BCL11B: variants seen among roughly 807,000 people sequenced by gnomAD.
The protein encoded by BCL11B is BCL11 transcription factor B.
In BCL11B, 8 loss-of-function variants were observed where a neutral mutation model predicts 49.9. The observed-to-expected ratio is 0.16, with a 90% confidence interval of 0.09 to 0.29. BCL11B has a LOEUF of 0.29. Among genes scored for constraint, BCL11B ranks in the 10% least tolerant of loss-of-function variants. BCL11B has a pLI of 1.00. For synonymous variants in BCL11B, 739 were observed against 637.4 expected (o/e 1.16, Z -2.40); for missense variants, 1,006 against 1,351.0 (o/e 0.74, Z 4.00).
intron 3 of BCL11B, among the ~76,000 whole-genome samples, chr14:99,217,518 A>G (rs564465416): frequency 2.8e-4 from 43 of 152,154 alleles, no homozygotes; most frequent in Admixed American, 5.9e-4. Flanking sequence ...GCTCCAAATG[A>G]AAAAGCCGTG....
chr14:99,202,670 C>T (rs748789303), intron 3 of BCL11B, among the ~76,000 whole-genome samples: 1 of 152,156 alleles, frequency 6.6e-6, no homozygotes, highest in Non-Finnish European at 1.5e-5. Flanking sequence ...CACCTGTCGT[C>T]GGCCACTAGA....
intron 3 of BCL11B, among the ~76,000 whole-genome samples, chr14:99,187,895 C>T (rs147278444): frequency 5.9e-5 from 9 of 152,244 alleles, no homozygotes; most frequent in Non-Finnish European, 1.3e-4. Context: ...CGACATTCCA[C>T]CCCAAGAAGT....
In BCL11B at chr14:99,174,485, G is replaced by A. The variant is rs1886399144; in HGVS notation, c.2351C>T (p.Pro784Leu). ...GCCCTCCTTGGAGCTGGGCCGCCCG[G>A]GGCCCGGGCCGCCCAGGTGCGGGGT... The part of the protein sequence containing the change: ...GSTPHLGGPG[P>L]GRPSSKEGRR... The change falls in exon 4 of 4, where the codon CCC (proline) becomes CTC (leucine). Residue 784 changes from proline (P) to leucine (L), a missense_variant. By Grantham distance (98) the Pro-to-Leu change is moderately conservative. Coordinates refer to ENST00000357195, the MANE Select transcript of BCL11B (RefSeq NM_138576.4). 1 of 1,562,720 alleles carries A rather than the reference G, an allele frequency of 6.4e-7. No homozygotes were observed. Among genetic ancestry groups the A allele is most frequent in the Non-Finnish European group, 8.6e-7 (1 of 1,157,224 alleles).
Position 99,171,037 on chromosome 14 carries a change from G to A in BCL11B, c.*3114C>T, listed in dbSNP as rs533110616. On this transcript the variant is annotated 3_prime_UTR_variant, in exon 4 of 4. Coordinates refer to ENST00000357195, the MANE Select transcript of BCL11B (RefSeq NM_138576.4). ...CCTCTACATCTGACATCTTAGAGAT[G>A]GCCTCTTAGAGAAAGGGAGGACGAT... is the stretch of plus-strand genomic sequence containing the variant. 1 of 231,552 alleles carries A rather than the reference G, an allele frequency of 4.3e-6. No homozygotes were observed. The highest frequency in any genetic ancestry group is 5.6e-5 in the Admixed American group (1 of 17,728). 14.3% of individuals were successfully genotyped at this position (231,552 alleles called of 1,614,324 possible). A position where few individuals can be genotyped will look rare whatever the true frequency, so the allele number is the denominator to read the frequency against.
chr14:99,200,336 G>T (rs1887340309), intron 3 of BCL11B, among the ~76,000 whole-genome samples: 1 of 152,234 alleles, frequency 6.6e-6, no homozygotes, highest in Non-Finnish European at 1.5e-5. Flanking sequence ...ATTCGGAGCT[G>T]TGTCATTCCC....
chr14:99,175,937 C>T lies in BCL11B; in HGVS notation c.899G>A (p.Arg300Gln). The T allele has an allele frequency of 6.9e-7, 1 of 1,449,468 alleles. No individual in the cohort carries two copies. Among genetic ancestry groups the T allele is most frequent in the Non-Finnish European group, 9.1e-7 (1 of 1,102,474 alleles). The allele number at this position is 1,449,468 out of a possible 1,614,324, so 89.8% of individuals were successfully genotyped here. Residue 300 changes from arginine to glutamine, a missense_variant, in exon 4 of 4, where the codon CGG becomes CAG. Physicochemically the swap from Arg to Gln is conservative, Grantham distance 43 (BLOSUM62 1). This residue lies in a region of BCL11B where 411 missense variants were observed against 542.2 expected (regional missense o/e 0.76). Transcript: ENST00000357195. Reference protein sequence around the residue: ...NLLRMTGPILRDHPGFGEGRL... With the variant: ...NLLRMTGPILQDHPGFGEGRL... The stretch of plus-strand genomic sequence containing the variant: ...GCCCTCGCCGAAGCCCGGGTGGTCC[C>T]GCAGGATGGGGCCCGTCATGCGCAG...
chr14:99,223,327 TATA>T (rs1888065632), intron 3 of BCL11B, among the ~76,000 whole-genome samples: 2 of 152,196 alleles, frequency 1.3e-5, no homozygotes, highest in African/African-American at 2.4e-5. Flanking sequence ...TTTTTAAAAA[TATA>T]ATATCTGCAA....
At chr14:99,240,843 C>T (rs150232740) in intron 2 of BCL11B, among the ~76,000 whole-genome samples, 2 of 152,218 alleles carry the variant, frequency 1.3e-5, no homozygotes, top group African/African-American at 4.8e-5. Flanking sequence ...TTCATCTAGC[C>T]ACGCGCGAGA....
intron 1 of BCL11B, among the ~76,000 whole-genome samples, chr14:99,267,935 C>T (rs972945987): frequency 1.3e-5 from 2 of 152,198 alleles, no homozygotes; most frequent in Admixed American, 6.5e-5. Flanking sequence ...AAGCATCAAG[C>T]TCCTTCTTGG....
rs1397953486 is a variant in BCL11B at position 99,192,117 on chromosome 14, T to C, written c.641-15922A>G. Reference sequence around the variant, plus strand: ...TCACTGGAGTGATTCTTCTTAGTTGTAGAAACACTCCAAATCAGAAAGTCA... The same window carrying C: ...TCACTGGAGTGATTCTTCTTAGTTGCAGAAACACTCCAAATCAGAAAGTCA... On this transcript the variant is annotated intron_variant, in intron 3 of 3. Coordinates refer to ENST00000357195, the MANE Select transcript of BCL11B (RefSeq NM_138576.4). This position sits in a 1 kb window ranked among gnomAD's most constrained non-coding sequence, Gnocchi z 4.0. 1.3e-5 allele frequency among the ~76,000 whole-genome samples: 2 copies of C among 152,202 alleles called. No individual in the cohort carries two copies. Among genetic ancestry groups the C allele is most frequent in the African/African-American group, 2.4e-5 (1 of 41,454 alleles).
intron 3 of BCL11B, among the ~76,000 whole-genome samples, chr14:99,226,015 G>A (rs867554762): frequency 3.9e-5 from 6 of 152,248 alleles, no homozygotes; most frequent in South Asian, 2.1e-4. Flanking sequence ...CTGCAGCAGC[G>A]TGACCTCAAG....
At chr14:99,207,564 G>A (rs1887568911) in intron 3 of BCL11B, among the ~76,000 whole-genome samples, 1 of 152,220 alleles carries the variant, frequency 6.6e-6, no homozygotes, top group African/African-American at 2.4e-5. Context: ...GTGCACCCTG[G>A]GTGCTGGGAG....
At chr14:99,259,832 T>G (rs1326313504) in intron 1 of BCL11B, among the ~76,000 whole-genome samples, 1 of 152,236 alleles carries the variant, frequency 6.6e-6, no homozygotes, top group Non-Finnish European at 1.5e-5. Context: ...ATGGTTAAAA[T>G]GTAATCACAA....
chr14:99,199,878 C>T (rs1271775795), intron 3 of BCL11B, among the ~76,000 whole-genome samples: 3 of 151,968 alleles, frequency 2.0e-5, no homozygotes, highest in African/African-American at 7.3e-5. Context: ...TAAATATATT[C>T]GAACGCTTGT....
intron 3 of BCL11B, among the ~76,000 whole-genome samples, chr14:99,199,375 T>C (rs961668623): frequency 6.6e-6 from 1 of 152,180 alleles, no homozygotes; most frequent in Non-Finnish European, 1.5e-5. Flanking sequence ...GGGTTTACCT[T>C]TCCCAGTTCA....
chr14:99,269,526 C>CA (rs1555385241), intron 1 of BCL11B, among the ~76,000 whole-genome samples: 6,067 of 148,088 alleles, frequency 0.041, 186 homozygotes, highest in Middle Eastern at 0.062. Flanking sequence ...CCCCCCCCCC[C>CA]AAAAAAAATC....
chr14:99,175,324 C>G lies in BCL11B; in HGVS notation c.1512G>C (p.Glu504Asp), dbSNP rs773060059. 3.2e-6 allele frequency: 5 copies of G among 1,547,588 alleles called. No homozygotes were observed. In the South Asian group the frequency reaches 5.8e-5, roughly 18 times the overall value. Residue 504 changes from glutamate to aspartate, a missense_variant, in exon 4 of 4, where the codon GAG becomes GAC. Physicochemically the swap from Glu to Asp is conservative, Grantham distance 45. This residue lies in a region of BCL11B where 443 missense variants were observed against 499.7 expected (regional missense o/e 0.89). Coordinates refer to ENST00000357195, the MANE Select transcript of BCL11B (RefSeq NM_138576.4). ...CCGCCTTGAGGCCCTCGCCCGCCAG[C>G]TCGCTGGTGCCGGGCTCGGGGGAGC... ...AASSPEPGTS[E>D]LAGEGLKAAD... is the part of the protein sequence containing the mutation.
At chr14:99,255,467 A>C (rs1429897995) in intron 2 of BCL11B, among the ~76,000 whole-genome samples, 1 of 151,616 alleles carries the variant, frequency 6.6e-6, no homozygotes, top group Non-Finnish European at 1.5e-5. Context: ...GGATGAGGAC[A>C]AAGCTGCCTT....
At chr14:99,190,907 C>CG (rs5810925) in intron 3 of BCL11B, among the ~76,000 whole-genome samples, 96,129 of 151,282 alleles carry the variant, frequency 0.64, 30,907 homozygotes, top group South Asian at 0.79. Flanking sequence ...TTCGGCCACA[C>CG]GGGGGGGGTC....
Sources: gnomAD v4.1 joint callset for allele counts (sites outside exome capture counted in the v4.1 genomes callset) on GRCh38, gnomAD v4.1.1 for gene constraint, gnomAD v4.1.1 regional missense constraint, Gnocchi (gnomAD v3.1) non-coding constraint, MANE v1.5 for transcripts, NCBI Gene and HGNC (gene_info 2026-07-23, HGNC 2026-07-21) for gene names.